SETBP1: variants seen among roughly 807,000 people sequenced by gnomAD.
SETBP1 encodes the protein SET binding protein 1.
Under a neutral mutation model 101.0 loss-of-function variants are expected in SETBP1, and 9 were observed. The observed-to-expected ratio is 0.09, with a 90% confidence interval of 0.05 to 0.16. The LOEUF is 0.16. SETBP1 is among the 10% of genes least tolerant of loss of function. The pLI is 1.00. For synonymous variants in SETBP1, 818 were observed against 788.5 expected, an observed-to-expected ratio of 1.04 and a Z score of -0.63; for missense variants, 1,858 against 2,033.8, an observed-to-expected ratio of 0.91 and a Z score of 1.66.
intron 4 of SETBP1, among the ~76,000 whole-genome samples, chr18:44,955,869 A>G (rs144841629): frequency 1.3e-5 from 2 of 152,322 alleles, no homozygotes; most frequent in East Asian, 1.9e-4. Context: ...TGATGATTAC[A>G]AAAGAGAATA....
intron 2 of SETBP1, among the ~76,000 whole-genome samples, chr18:44,808,180 C>T (rs2071787976): frequency 6.6e-6 from 1 of 152,198 alleles, no homozygotes; most frequent in South Asian, 2.1e-4. Flanking sequence ...TCCCTTTCAT[C>T]TATCCACACG....
At chr18:45,033,451 T>C (rs150679443) in intron 4 of SETBP1, among the ~76,000 whole-genome samples, 1 of 152,294 alleles carries the variant, frequency 6.6e-6, no homozygotes, top group Non-Finnish European at 1.5e-5. Flanking sequence ...GCATAATGCA[T>C]ATCAAAGCTC....
At chr18:44,826,934 G>A (rs2072252060) in intron 2 of SETBP1, among the ~76,000 whole-genome samples, 1 of 152,150 alleles carries the variant, frequency 6.6e-6, no homozygotes, top group African/African-American at 2.4e-5. Flanking sequence ...CCACAAAAGG[G>A]CCACAGAGGG....
rs1237384327 is a variant in SETBP1, at chr18:44,753,214, C to T, written c.486+51382C>T. Among the ~76,000 whole-genome samples the T allele has an allele frequency of 2.0e-5, 3 of 152,216 alleles. No homozygotes were observed. The East Asian group carries it at 5.8e-4, about 29-fold the overall frequency. On this transcript the variant is annotated intron_variant, in intron 2 of 5. Transcript: ENST00000649279. ...GTTTCCTGCCAGAACCTCTAATCCACTGAGGCTGCTCTTGTGTTGGGACCA... is the reference window on the plus strand; with the variant it reads ...GTTTCCTGCCAGAACCTCTAATCCATTGAGGCTGCTCTTGTGTTGGGACCA...
intron 2 of SETBP1, among the ~76,000 whole-genome samples, chr18:44,742,063 C>A (rs1404019684): frequency 6.6e-6 from 1 of 152,220 alleles, no homozygotes; most frequent in South Asian, 2.1e-4. Flanking sequence ...AGACCATAAT[C>A]CCTGGTGGTC....
chr18:44,947,002 T>C (rs111562223), intron 3 of SETBP1, among the ~76,000 whole-genome samples: 1 of 152,212 alleles, frequency 6.6e-6, no homozygotes, highest in African/African-American at 2.4e-5. Context: ...GTAAAATGTA[T>C]GCTTCTTCAT....
At chr18:44,789,295 C>A (rs904402698) in intron 2 of SETBP1, among the ~76,000 whole-genome samples, 3 of 152,176 alleles carry the variant, frequency 2.0e-5, no homozygotes, top group African/African-American at 7.2e-5. Flanking sequence ...CAACTTTTCC[C>A]TCTGTAAAAT....
chr18:44,756,215 T>G (rs2070490604), intron 2 of SETBP1, among the ~76,000 whole-genome samples: 1 of 132,606 alleles, frequency 7.5e-6, no homozygotes, highest in African/African-American at 2.7e-5. Context: ...AGACTCCATG[T>G]CAAAAAAAAA....
At chr18:44,971,191 C>A (rs1568000722) in intron 4 of SETBP1, among the ~76,000 whole-genome samples, 1 of 152,142 alleles carries the variant, frequency 6.6e-6, no homozygotes, top group Non-Finnish European at 1.5e-5. Context: ...CATGTCCCTA[C>A]AAAGGACACG....
intron 4 of SETBP1, among the ~76,000 whole-genome samples, chr18:44,958,196 G>A (rs1461308207): frequency 1.3e-5 from 2 of 152,174 alleles, no homozygotes; most frequent in Non-Finnish European, 2.9e-5. Flanking sequence ...ACATGTACAG[G>A]CAGTAGTTAC....
At chr18:44,981,750 G>T (rs909105563) in intron 4 of SETBP1, among the ~76,000 whole-genome samples, 1 of 152,060 alleles carries the variant, frequency 6.6e-6, no homozygotes, top group Non-Finnish European at 1.5e-5. Flanking sequence ...GCCCCCTTTT[G>T]GTTGCTTCTT....
At chr18:44,814,859 C>T (rs1388081136) in intron 2 of SETBP1, among the ~76,000 whole-genome samples, 2 of 152,164 alleles carry the variant, frequency 1.3e-5, no homozygotes, top group South Asian at 2.1e-4. Context: ...GGTGAAATAT[C>T]GTAAGGACAG....
At chr18:44,926,674 G>A (rs1341857833) in intron 3 of SETBP1, among the ~76,000 whole-genome samples, 1 of 152,148 alleles carries the variant, frequency 6.6e-6, no homozygotes, top group East Asian at 1.9e-4. Context: ...CTGAGAAGGG[G>A]CCTGCTTAAG....
intron 4 of SETBP1, among the ~76,000 whole-genome samples, chr18:45,023,738 A>G (rs951288586): frequency 2.6e-5 from 4 of 152,150 alleles, no homozygotes; most frequent in Non-Finnish European, 1.5e-5. Context: ...TGCCTTTTAA[A>G]TATTCAAAGT....
Position 44,967,562 on chromosome 18 carries a change from G to A in SETBP1, c.4000+14222G>A, listed in dbSNP as rs192241293. ...GTGAGTACTCTGTTTAAGGTCTTAC[G>A]GAGCTGAAATCAGGTGTGGTCAGGG... On this transcript the variant is annotated intron_variant, in intron 4 of 5. Transcript: ENST00000649279. 1.2e-3 allele frequency among the ~76,000 whole-genome samples: 181 copies of A among 152,260 alleles called. 1 individual carries two copies. The highest frequency in any genetic ancestry group is 3.9e-3 in the African/African-American group (161 of 41,532).
intron 3 of SETBP1, among the ~76,000 whole-genome samples, chr18:44,882,638 C>T (rs182023784): frequency 8.5e-5 from 13 of 152,184 alleles, no homozygotes; most frequent in African/African-American, 3.1e-4. Context: ...CTCCTCAAGC[C>T]CTCCTTCCCC....
At chr18:44,867,237 C>T (rs752526897) in intron 2 of SETBP1, among the ~76,000 whole-genome samples, 2 of 152,188 alleles carry the variant, frequency 1.3e-5, no homozygotes, top group African/African-American at 4.8e-5. Flanking sequence ...TGATCCTCAC[C>T]GTATCCTAAT....
chr18:44,804,437 G>C (rs547072891), intron 2 of SETBP1, among the ~76,000 whole-genome samples: 3 of 152,244 alleles, frequency 2.0e-5, no homozygotes, highest in African/African-American at 7.2e-5. Flanking sequence ...AGTCCGTGGA[G>C]AGCCTGGAGA....
At chr18:44,937,301 A>G in intron 3 of SETBP1, among the ~76,000 whole-genome samples, 1 of 151,592 alleles carries the variant, frequency 6.6e-6, no homozygotes, top group East Asian at 2.0e-4. Context: ...AAATACAAAA[A>G]AAAATTAGCC....
Sources: gnomAD v4.1 joint callset for allele counts (sites outside exome capture counted in the v4.1 genomes callset) on GRCh38, gnomAD v4.1.1 for gene constraint, MANE v1.5 for transcripts, NCBI Gene and HGNC (gene_info 2026-07-23, HGNC 2026-07-21) for gene names.